The following ZZZ3 variants were observed in gnomAD, a reference collection of about 807,000 sequenced individuals.
ZZZ3 encodes the protein zinc finger ZZ-type containing 3, also known as ZZ-type zinc finger-containing protein 3.
Under a neutral mutation model 95.2 loss-of-function variants are expected in ZZZ3, and 22 were observed. The ratio of observed to expected loss-of-function variants is 0.23; its 90% CI spans 0.17 to 0.33. ZZZ3 has a LOEUF of 0.33. ZZZ3 is among the 10% of genes least tolerant of loss of function. The pLI is 1.00. For missense variants in ZZZ3, 885 were observed against 1,066.5 expected (o/e 0.83, Z 2.37); for synonymous variants, 335 against 358.9 (o/e 0.93, Z 0.75).
intron 5 of ZZZ3, among the ~76,000 whole-genome samples, chr1:77,617,325 T>C (rs139785588): frequency 6.6e-6 from 1 of 152,290 alleles, no homozygotes; most frequent in East Asian, 1.9e-4. Flanking sequence ...TGGGTAACCA[T>C]TCATCTGCTT....
At chr1:77,604,347 GATTC>G (rs1427448897) in intron 5 of ZZZ3, among the ~76,000 whole-genome samples, 4 of 152,254 alleles carry the variant, frequency 2.6e-5, no homozygotes, top group South Asian at 4.1e-4. Context: ...AAAAGAAATA[GATTC>G]ATTAAGAATT....
chr1:77,615,508 T>C (rs1666224743), intron 5 of ZZZ3, among the ~76,000 whole-genome samples: 1 of 152,216 alleles, frequency 6.6e-6, no homozygotes, highest in Admixed American at 6.5e-5. Flanking sequence ...GCAAAATGCC[T>C]ATGGAGTTGT....
chr1:77,680,631 A>G (rs1213206296), intron 1 of ZZZ3, among the ~76,000 whole-genome samples: 1 of 152,236 alleles, frequency 6.6e-6, no homozygotes, highest in Non-Finnish European at 1.5e-5. Flanking sequence ...ATAGCCGCTT[A>G]GCAACTTCAA....
intron 5 of ZZZ3, among the ~76,000 whole-genome samples, chr1:77,613,205 A>C (rs759534289): frequency 6.6e-6 from 1 of 152,072 alleles, no homozygotes; most frequent in Non-Finnish European, 1.5e-5. Flanking sequence ...ATTAGTCTTT[A>C]GTATGAACCA....
At chr1:77,576,918 T>C (rs1181004838) in intron 11 of ZZZ3, among the ~76,000 whole-genome samples, 4 of 152,230 alleles carry the variant, frequency 2.6e-5, no homozygotes, top group African/African-American at 9.6e-5. Context: ...ATTTAATCCT[T>C]ACAACATTCC....
chr1:77,614,613 C>G (rs1666129052), intron 5 of ZZZ3, among the ~76,000 whole-genome samples: 1 of 151,938 alleles, frequency 6.6e-6, no homozygotes, highest in Admixed American at 6.6e-5. Context: ...AAATAAAGTT[C>G]CAATAATCCT....
Position 77,565,706 on chromosome 1 carries a change from G to C in ZZZ3, c.2646C>G (p.Asp882Glu), listed in dbSNP as rs2100443300. The C allele has an allele frequency of 6.2e-7, 1 of 1,613,694 alleles. No homozygotes were observed. Among genetic ancestry groups the C allele is most frequent in the East Asian group, 2.2e-5 (1 of 44,880 alleles). Residue 882 changes from aspartate (D) to glutamate (E), a missense_variant, in exon 15 of 15, where the codon GAC becomes GAG. By Grantham distance (45) the Asp-to-Glu change is conservative (BLOSUM62 2). Transcript: ENST00000370801. ...AACTGGTGCCCTGAGACACACAGTA[G>C]TCTCTGTCTAAGAATGTCTCTGACC... ...IYRSETFLDR[D>E]YCVSQGTSYN...
chr1:77,620,420 T>C (rs1197119892), intron 5 of ZZZ3, among the ~76,000 whole-genome samples: 2 of 148,554 alleles, frequency 1.3e-5, no homozygotes, highest in East Asian at 2.0e-4. Flanking sequence ...TAAGGAAGTA[T>C]GTTAAGTAAT....
chr1:77,584,835 G>A, intron 5 of ZZZ3, 180 bp from the exon 6 acceptor site: 1 of 396,864 alleles, frequency 2.5e-6, no homozygotes, highest in Non-Finnish European at 4.3e-6. Context: ...AGTACCTACA[G>A]AAAATAAGAG....
rs367955962 is a variant in ZZZ3 at position 77,581,840 on chromosome 1, T to G, written c.1844A>C (p.Glu615Ala). 6.2e-7 allele frequency: 1 copy of G among 1,613,934 alleles called. No homozygotes were observed. The highest frequency in any genetic ancestry group is 1.3e-5 in the African/African-American group (1 of 74,926). ...AGGCAACATAGAATATGAAAGGGAC[T>G]CTCCATCCTTCTTAGGATCTAAAGG... ...KSPLDPKKDG[E>A]SLSYSMLPLS... The change falls in exon 8 of 15, where the codon GAG becomes GCG. Residue 615 changes from glutamate to alanine, a missense_variant. Physicochemically the swap from Glu to Ala is moderately radical, Grantham distance 107. Coordinates refer to ENST00000370801, the MANE Select transcript of ZZZ3 (RefSeq NM_015534.6).
chr1:77,619,092 A>C (rs1006947945), intron 5 of ZZZ3, among the ~76,000 whole-genome samples: 1 of 152,170 alleles, frequency 6.6e-6, no homozygotes, highest in Non-Finnish European at 1.5e-5. Flanking sequence ...GATTCCCTTG[A>C]TATTTCCCTA....
intron 5 of ZZZ3, among the ~76,000 whole-genome samples, chr1:77,631,118 A>C (rs891068752): frequency 6.6e-6 from 1 of 152,212 alleles, no homozygotes; most frequent in East Asian, 1.9e-4. Flanking sequence ...CTTTATAGGA[A>C]ATCTAGGCAA....
At chr1:77,591,228 TCTTC>T (rs1663661287) in intron 5 of ZZZ3, among the ~76,000 whole-genome samples, 1 of 152,252 alleles carries the variant, frequency 6.6e-6, no homozygotes, top group Non-Finnish European at 1.5e-5. Context: ...AGATGCTTTC[TCTTC>T]CTTAATGAAG....
At chr1:77,642,627 T>A (rs1668883241) in intron 1 of ZZZ3, among the ~76,000 whole-genome samples, 1 of 151,112 alleles carries the variant, frequency 6.6e-6, no homozygotes, top group Non-Finnish European at 1.5e-5. Flanking sequence ...CGTGGTTGTG[T>A]GTGTCTGTAG....
chr1:77,645,055 C>T (rs1277156007), intron 1 of ZZZ3, among the ~76,000 whole-genome samples: 1 of 151,596 alleles, frequency 6.6e-6, no homozygotes, highest in Non-Finnish European at 1.5e-5. Context: ...AAGACCCTGT[C>T]TCTACAGAAA....
chr1:77,670,825 G>A (rs1671715812), intron 1 of ZZZ3, among the ~76,000 whole-genome samples: 1 of 151,464 alleles, frequency 6.6e-6, no homozygotes, highest in Non-Finnish European at 1.5e-5. Context: ...ATGCGGGTAT[G>A]CATGATAAAA....
chr1:77,576,817 A>G (rs902264711), intron 11 of ZZZ3, among the ~76,000 whole-genome samples: 2 of 152,078 alleles, frequency 1.3e-5, no homozygotes, highest in Non-Finnish European at 2.9e-5. Context: ...AAGAAAGTTT[A>G]CCAATTTGTG....
chr1:77,583,755 C>T (rs1267272597), intron 6 of ZZZ3, among the ~76,000 whole-genome samples: 1 of 151,978 alleles, frequency 6.6e-6, no homozygotes, highest in Non-Finnish European at 1.5e-5. Context: ...TCTTTTTCAT[C>T]ATTTTTCAGT....
intron 1 of ZZZ3, among the ~76,000 whole-genome samples, chr1:77,661,596 T>TA (rs1670795176): frequency 6.6e-6 from 1 of 152,146 alleles, no homozygotes; most frequent in Non-Finnish European, 1.5e-5. Context: ...AGATACCTGG[T>TA]AAAAAATTAC....
Sources: gnomAD v4.1 joint callset for allele counts (sites outside exome capture counted in the v4.1 genomes callset) on GRCh38, gnomAD v4.1.1 for gene constraint, MANE v1.5 for transcripts, NCBI Gene and HGNC (gene_info 2026-07-23, HGNC 2026-07-21) for gene names.